DLGAP2: variants seen among roughly 807,000 people sequenced by gnomAD.
DLGAP2 encodes the protein disks large-associated protein 2.
DLGAP2 carries 26 observed loss-of-function variants against 100.3 expected under a neutral mutation model. The ratio of observed to expected loss-of-function variants is 0.26; its 90% CI spans 0.19 to 0.36. The LOEUF is 0.36. Ranked by LOEUF, DLGAP2 falls within the 10% of genes least tolerant of loss-of-function variation. The probability of loss-of-function intolerance (pLI) is 1.00; values close to 1 mark genes in which losing one functional copy is unlikely to be tolerated. For missense variants in DLGAP2, 1,858 were observed against 1,453.2 expected (o/e 1.28, Z -4.53); for synonymous variants, 886 against 630.1 (o/e 1.41, Z -6.08).
At chr8:931,120 G>T (rs577306410) in intron 2 of DLGAP2, among the ~76,000 whole-genome samples, 7 of 152,300 alleles carry the variant, frequency 4.6e-5, no homozygotes, top group Admixed American at 3.3e-4. Context: ...TAGGTAGGAG[G>T]TATGTGTGAG....
At chr8:1,239,779 C>G (rs534970421) in intron 2 of DLGAP2, among the ~76,000 whole-genome samples, 1 of 60,334 alleles carries the variant, frequency 1.7e-5, no homozygotes, top group South Asian at 7.1e-4. Flanking sequence ...GTCTAGTTCT[C>G]TCACATGGCG....
At chr8:1,315,255 A>C (rs188965569) in intron 3 of DLGAP2, among the ~76,000 whole-genome samples, 1 of 151,828 alleles carries the variant, frequency 6.6e-6, no homozygotes, top group Non-Finnish European at 1.5e-5. Context: ...AGTGGTCTAC[A>C]CTCGAGAAAC....
rs1271161379 is a variant in DLGAP2 at position 1,388,663 on chromosome 8, T to G, written c.107-112703T>G. Among the ~76,000 whole-genome samples, 4 of 73,648 alleles carry G rather than the reference T, an allele frequency of 5.4e-5. 1 individual carries two copies. The highest frequency in any genetic ancestry group is 2.0e-4 in the African/African-American group (4 of 19,886). The allele number at this position is 73,648 out of a possible 152,430, so 48.3% of individuals were successfully genotyped here. A position where few individuals can be genotyped will look rare whatever the true frequency, so the allele number is the denominator to read the frequency against. On this transcript the variant is annotated intron_variant, in intron 3 of 14. Transcript: ENST00000637795. ...TCAGGGCTGTGAGAGGCAGACGCCG[T>G]GGAAGAGGAGGCGCTGGTTCAGGTG...
At chr8:919,837 C>T (rs1222800951) in intron 2 of DLGAP2, among the ~76,000 whole-genome samples, 1 of 152,222 alleles carries the variant, frequency 6.6e-6, no homozygotes, top group Admixed American at 6.5e-5. Context: ...CTTCCATTTC[C>T]TCACTACTGA....
intron 1 of DLGAP2, among the ~76,000 whole-genome samples, chr8:895,505 G>A (rs1415494473): frequency 6.6e-6 from 1 of 152,184 alleles, no homozygotes; most frequent in Non-Finnish European, 1.5e-5. Context: ...ATGAGGAGCA[G>A]GAAGGGTTTG....
At chr8:1,041,548 T>C (rs1394066556) in intron 2 of DLGAP2, among the ~76,000 whole-genome samples, 1 of 150,332 alleles carries the variant, frequency 6.7e-6, no homozygotes, top group Non-Finnish European at 1.5e-5. Context: ...GTGAGTGTTC[T>C]CCGAACCCCT....
At chr8:1,037,042 A>G (rs1802147597) in intron 2 of DLGAP2, among the ~76,000 whole-genome samples, 1 of 152,110 alleles carries the variant, frequency 6.6e-6, no homozygotes, top group Non-Finnish European at 1.5e-5. Context: ...TCTGCTGGCC[A>G]GATGGAGGAG....
chr8:1,291,687 G>T (rs1177625375), intron 3 of DLGAP2, among the ~76,000 whole-genome samples: 12 of 152,286 alleles, frequency 7.9e-5, no homozygotes, highest in Non-Finnish European at 1.5e-5. Flanking sequence ...TTCTATAAGT[G>T]GATGTCCCAG....
intron 1 of DLGAP2, among the ~76,000 whole-genome samples, chr8:901,530 C>T (rs1209052624): frequency 6.6e-6 from 1 of 152,154 alleles, no homozygotes; most frequent in East Asian, 1.9e-4. Context: ...GCGGAACATC[C>T]AGAGAGGAGC....
intron 3 of DLGAP2, among the ~76,000 whole-genome samples, chr8:1,464,284 AAC>A (rs1798550972): frequency 1.6e-5 from 1 of 62,506 alleles, no homozygotes; most frequent in Admixed American, 1.7e-4. Flanking sequence ...CTTCCAGGAC[AAC>A]GCCCTTCCAG....
intron 2 of DLGAP2, among the ~76,000 whole-genome samples, chr8:1,208,686 C>G (rs765501514): frequency 2.6e-5 from 4 of 152,108 alleles, no homozygotes; most frequent in African/African-American, 9.6e-5. Flanking sequence ...GGAAGTCAAA[C>G]TGTTGCAGTT....
intron 6 of DLGAP2, among the ~76,000 whole-genome samples, chr8:1,590,685 C>T (rs556596094): frequency 6.6e-6 from 1 of 152,226 alleles, no homozygotes; most frequent in Non-Finnish European, 1.5e-5. Context: ...GTTTGTAGTT[C>T]TAAGAAATTG....
At chr8:1,492,038 A>T (rs944572334) in intron 3 of DLGAP2, among the ~76,000 whole-genome samples, 1 of 152,156 alleles carries the variant, frequency 6.6e-6, no homozygotes, top group Non-Finnish European at 1.5e-5. Flanking sequence ...TGTCATTCTT[A>T]GTTGAGTGGG....
Position 1,588,729 on chromosome 8 carries a change from T to C in DLGAP2, c.1442+22835T>C, listed in dbSNP as rs542151333. Among the ~76,000 whole-genome samples, 6 of 119,790 alleles carry C rather than the reference T, an allele frequency of 5.0e-5. No individual in the cohort carries two copies. The East Asian group carries it at 1.4e-3, about 28-fold the overall frequency. 78.6% of individuals were successfully genotyped at this position (119,790 alleles called of 152,430 possible). ...CCAGTCTGGCCAACATGGTGAAAGCTGTCTTTACTAAAAAAAAAAAAAAAA... is the reference window on the plus strand; with the variant it reads ...CCAGTCTGGCCAACATGGTGAAAGCCGTCTTTACTAAAAAAAAAAAAAAAA... On this transcript the variant is annotated intron_variant, in intron 6 of 14. Transcript: ENST00000637795.
chr8:962,983 T>C (rs1799762214), intron 2 of DLGAP2, among the ~76,000 whole-genome samples: 1 of 152,136 alleles, frequency 6.6e-6, no homozygotes, highest in Non-Finnish European at 1.5e-5. Context: ...GGTCCTCTGA[T>C]GGGAAAAGTG....
At chr8:1,005,416 T>TG (rs1801079304) in intron 2 of DLGAP2, among the ~76,000 whole-genome samples, 1 of 150,378 alleles carries the variant, frequency 6.6e-6, no homozygotes, top group Non-Finnish European at 1.5e-5. Context: ...TTTTTTTTTT[T>TG]TTTTTTTTTT....
chr8:827,256 GA>G (rs1417193702), intron 1 of DLGAP2, among the ~76,000 whole-genome samples: 1 of 152,182 alleles, frequency 6.6e-6, no homozygotes, highest in Non-Finnish European at 1.5e-5. Flanking sequence ...CCTGGAGTGT[GA>G]ATAAGAAGGA....
intron 3 of DLGAP2, chr8:1,380,937 C>CAAAAAA (rs34675828): frequency 4.9e-4 from 38 of 76,956 alleles, no homozygotes; most frequent in Non-Finnish European, 6.9e-4. Flanking sequence ...GAACATGATT[C>CAAAAAA]AAAAAAAAAA....
chr8:1,677,716 A>G (rs972785602), intron 11 of DLGAP2, among the ~76,000 whole-genome samples: 2 of 152,244 alleles, frequency 1.3e-5, no homozygotes, highest in Non-Finnish European at 2.9e-5. Flanking sequence ...TGCCAAAGTC[A>G]GAATTTGGAG....
Sources: gnomAD v4.1 joint callset for allele counts (sites outside exome capture counted in the v4.1 genomes callset) on GRCh38, gnomAD v4.1.1 for gene constraint, MANE v1.5 for transcripts, NCBI Gene and HGNC (gene_info 2026-07-23, HGNC 2026-07-21) for gene names.